FRMPD3: variants seen among roughly 807,000 people sequenced by gnomAD.
FRMPD3 encodes the protein FERM and PDZ domain-containing protein 3.
A neutral mutation model predicts 97.9 loss-of-function variants in FRMPD3; 42 were observed. The ratio of observed to expected loss-of-function variants is 0.43; its 90% CI spans 0.34 to 0.55. FRMPD3 has a LOEUF of 0.55. Among genes scored for constraint, FRMPD3 ranks in the 20% least tolerant of loss-of-function variants. FRMPD3 has a pLI of 0.03. For synonymous variants in FRMPD3, 577 were observed against 581.1 expected, an observed-to-expected ratio of 0.99 and a Z score of 0.10; for missense variants, 1,303 against 1,457.7, an observed-to-expected ratio of 0.89 and a Z score of 1.73.
intron 12 of FRMPD3, among the ~76,000 whole-genome samples, chrX:107,573,988 A>T (rs1260765959): frequency 8.9e-6 from 1 of 112,337 alleles, no homozygotes; most frequent in Non-Finnish European, 1.9e-5. Flanking sequence ...CACATGAAGA[A>T]CCAACCAAAG....
At chrX:107,502,424 G>T (rs1286761407) in intron 1 of FRMPD3, among the ~76,000 whole-genome samples, 1 of 111,310 alleles carries the variant, frequency 9.0e-6, no homozygotes, top group Non-Finnish European at 1.9e-5. Flanking sequence ...GTAATAGCAA[G>T]AAGGAATATC....
chrX:107,564,758 T>G, intron 11 of FRMPD3, 129 bp from the exon 12 acceptor site: 2 of 688,096 alleles, frequency 2.9e-6, no homozygotes, highest in Non-Finnish European at 4.5e-6. Flanking sequence ...ACTGTGGCAC[T>G]GAGCCCCAGA....
intron 14 of FRMPD3, 65 bp from the exon 15 acceptor site, chrX:107,600,238 C>T: frequency 1.8e-6 from 2 of 1,121,823 alleles, no homozygotes; most frequent in Non-Finnish European, 1.2e-6. Context: ...CGAGGGACAA[C>T]CGTGTAGAGC....
chrX:107,481,525 G>T (rs1288291969), intron 1 of FRMPD3, among the ~76,000 whole-genome samples: 1 of 112,041 alleles, frequency 8.9e-6, no homozygotes, highest in Non-Finnish European at 1.9e-5. Flanking sequence ...GCCAGCATTT[G>T]CCTGGTGTCT....
chrX:107,526,482 G>A, intron 1 of FRMPD3, 100 bp from the exon 2 acceptor site: 1 of 744,142 alleles, frequency 1.3e-6, no homozygotes, highest in East Asian at 3.4e-5. Context: ...GTAAACTCCT[G>A]GGTGCCAGGG....
intron 13 of FRMPD3, among the ~76,000 whole-genome samples, chrX:107,594,902 AT>A (rs1924095560): frequency 8.9e-6 from 1 of 112,412 alleles, no homozygotes; most frequent in African/African-American, 3.2e-5. Context: ...TTAATAAAAA[AT>A]TTAAAAAAAC....
intron 1 of FRMPD3, among the ~76,000 whole-genome samples, chrX:107,458,199 T>C (rs1364645717): frequency 2.7e-5 from 3 of 112,103 alleles, no homozygotes; most frequent in Non-Finnish European, 5.6e-5. Context: ...GAGAAGTCTA[T>C]TGACCACTCC....
At chrX:107,543,546 G>T (rs772463203) in intron 4 of FRMPD3, among the ~76,000 whole-genome samples, 1 of 111,018 alleles carries the variant, frequency 9.0e-6, no homozygotes, top group Non-Finnish European at 1.9e-5. Context: ...GCCGGGCGCC[G>T]TGGCTCATAC....
intron 1 of FRMPD3, among the ~76,000 whole-genome samples, chrX:107,486,242 T>G (rs1454834347): frequency 8.9e-6 from 1 of 112,221 alleles, no homozygotes; most frequent in Non-Finnish European, 1.9e-5. Flanking sequence ...TGGGCTCAAC[T>G]GTTCCAGATA....
intron 13 of FRMPD3, among the ~76,000 whole-genome samples, chrX:107,579,820 C>T (rs1923301104): frequency 9.0e-6 from 1 of 111,597 alleles, no homozygotes; most frequent in Admixed American, 9.6e-5. Flanking sequence ...ACTCACTCTA[C>T]GTTTTCTACC....
intron 1 of FRMPD3, among the ~76,000 whole-genome samples, chrX:107,461,125 T>C (rs1931463843): frequency 8.9e-6 from 1 of 112,159 alleles, no homozygotes; most frequent in Non-Finnish European, 1.9e-5. Flanking sequence ...AAATATAGCT[T>C]GTCCTGCTTT....
chrX:107,515,885 T>A (rs1339500662), intron 1 of FRMPD3, among the ~76,000 whole-genome samples: 9 of 111,794 alleles, frequency 8.1e-5, no homozygotes, highest in Non-Finnish European at 1.3e-4. Context: ...TCCATTTTTT[T>A]AAATTATACT....
chrX:107,499,117 A>G (rs977246685), intron 1 of FRMPD3, among the ~76,000 whole-genome samples: 3 of 111,404 alleles, frequency 2.7e-5, no homozygotes, highest in African/African-American at 6.5e-5. Flanking sequence ...GAAAAAAGAC[A>G]TATGTCCCAC....
intron 2 of FRMPD3, among the ~76,000 whole-genome samples, chrX:107,529,833 C>T (rs1486172319): frequency 1.8e-5 from 2 of 111,830 alleles, no homozygotes; most frequent in Admixed American, 1.9e-4. Flanking sequence ...GCCTGACCAC[C>T]TCCAGTAGTC....
intron 9 of FRMPD3, 120 bp downstream of exon 9, chrX:107,560,513 G>C: frequency 2.2e-5 from 21 of 975,518 alleles, no homozygotes; most frequent in Non-Finnish European, 2.9e-5. Flanking sequence ...GTGAGAATTG[G>C]AGTCCCTCAT....
chrX:107,569,294 C>CAA (rs752263727), intron 12 of FRMPD3, among the ~76,000 whole-genome samples: 147 of 20,408 alleles, frequency 7.2e-3, no homozygotes, highest in Non-Finnish European at 0.011. Context: ...GACTCCATCT[C>CAA]AAAAAAAAAA....
chrX:107,451,881 G>C (rs901130534), intron 1 of FRMPD3, among the ~76,000 whole-genome samples: 6 of 111,095 alleles, frequency 5.4e-5, no homozygotes, highest in Non-Finnish European at 1.1e-4. Flanking sequence ...TGGTAAAATC[G>C]TGACGGCGAT....
intron 1 of FRMPD3, among the ~76,000 whole-genome samples, chrX:107,524,860 G>A (rs1296975080): frequency 1.8e-5 from 2 of 109,622 alleles, no homozygotes; most frequent in African/African-American, 6.7e-5. Context: ...AGGCAGGGCA[G>A]CACACGCCTG....
At chrX:107,567,176 G>A (rs944667617) in intron 12 of FRMPD3, among the ~76,000 whole-genome samples, 1 of 110,912 alleles carries the variant, frequency 9.0e-6, no homozygotes, top group Admixed American at 9.6e-5. Context: ...TTAGAGATGG[G>A]GGTCTTGCTA....
Sources: gnomAD v4.1 joint callset for allele counts (sites outside exome capture counted in the v4.1 genomes callset) on GRCh38, gnomAD v4.1.1 for gene constraint, MANE v1.5 for transcripts, NCBI Gene and HGNC (gene_info 2026-07-23, HGNC 2026-07-21) for gene names.